The following AP2B1 variants were observed in gnomAD, a reference collection of about 807,000 sequenced individuals.
AP2B1 encodes adaptor related protein complex 2 subunit beta 1.
A neutral mutation model predicts 102.0 loss-of-function variants in AP2B1; 23 were observed. The observed-to-expected ratio is 0.23, with a 90% CI of 0.16 to 0.32. AP2B1 has a LOEUF of 0.32. Among genes scored for constraint, AP2B1 ranks in the 10% least tolerant of loss-of-function variants. The probability of loss-of-function intolerance (pLI) is 1.00; values close to 1 mark genes in which losing one functional copy is unlikely to be tolerated. For missense variants in AP2B1, 541 were observed against 1,157.4 expected (o/e 0.47, Z 7.73); for synonymous variants, 381 against 421.2 (o/e 0.90, Z 1.17).
At chr17:35,601,492 T>C (rs1331070810) in intron 3 of AP2B1, among the ~76,000 whole-genome samples, 2 of 152,204 alleles carry the variant, frequency 1.3e-5, no homozygotes, top group Non-Finnish European at 2.9e-5. Flanking sequence ...CCATCACTCC[T>C]GGCTGACGCC....
intron 2 of AP2B1, among the ~76,000 whole-genome samples, chr17:35,594,764 C>A (rs1231224631): frequency 1.3e-5 from 2 of 152,184 alleles, no homozygotes; most frequent in Non-Finnish European, 2.9e-5. Context: ...TTATTACTCT[C>A]ATCATCTTTG....
Position 35,725,182 on chromosome 17 carries a change from A to T in AP2B1, c.*1483A>T, listed in dbSNP as rs1444459378. The T allele has an allele frequency of 6.6e-6, 1 of 152,212 alleles. No homozygotes were observed. The highest frequency in any genetic ancestry group is 1.9e-4 in the East Asian group (1 of 5,192). 9.4% of individuals were successfully genotyped at this position (152,212 alleles called of 1,614,324 possible). A position where few individuals can be genotyped will look rare whatever the true frequency, so the allele number is the denominator to read the frequency against. On this transcript the variant is annotated 3_prime_UTR_variant, in exon 22 of 22. Transcript: ENST00000610402. ...CCCTACCCCACTTAATGCGTTGGAT[A>T]TGATTTTTCAAAGAATGCTTCATGC...
intron 18 of AP2B1, among the ~76,000 whole-genome samples, chr17:35,688,138 T>G (rs587723270): frequency 1.3e-5 from 2 of 152,338 alleles, no homozygotes; most frequent in South Asian, 4.1e-4. Flanking sequence ...ATTCCCTTCA[T>G]CAGCTCTCTC....
chr17:35,618,249 T>C (rs1356787273), intron 5 of AP2B1, among the ~76,000 whole-genome samples: 1 of 152,230 alleles, frequency 6.6e-6, no homozygotes, highest in Non-Finnish European at 1.5e-5. Flanking sequence ...TATGTTGTCC[T>C]ATGCCTCACA....
rs200535619 is a variant in AP2B1 at position 35,650,664 on chromosome 17, A to G, written c.1671A>G (p.Pro557=). 1.4e-4 allele frequency: 222 copies of G among 1,614,060 alleles called. No individual in the cohort carries two copies. The highest frequency in any genetic ancestry group is 1.8e-4 in the Non-Finnish European group (218 of 1,180,042). The part of the protein sequence containing the change: ...LISEETDLIE[P]TLLDELICHI... The stretch of plus-strand genomic sequence containing the variant: ...CTGAGGAGACGGACCTTATTGAGCC[A>G]ACTCTGCTGGATGAGCTAATCTGCC... The change falls in exon 13 of 22, where the codon CCA becomes CCG. Residue 557 remains proline, a synonymous_variant. Coordinates refer to ENST00000610402, the MANE Select transcript of AP2B1 (RefSeq NM_001030006.2).
chr17:35,607,256 T>A (rs2073711876), intron 4 of AP2B1, among the ~76,000 whole-genome samples: 1 of 152,000 alleles, frequency 6.6e-6, no homozygotes, highest in Admixed American at 6.6e-5. Context: ...AGTGTACATT[T>A]AAAAAAAACA....
intron 5 of AP2B1, among the ~76,000 whole-genome samples, chr17:35,620,776 C>T (rs536206352): frequency 1.3e-5 from 2 of 152,132 alleles, no homozygotes; most frequent in African/African-American, 2.4e-5. Flanking sequence ...GTGATCAGTG[C>T]GACTGCATTC....
chr17:35,719,037 G>T (rs2085274337), intron 21 of AP2B1, among the ~76,000 whole-genome samples: 1 of 151,962 alleles, frequency 6.6e-6, no homozygotes, highest in Admixed American at 6.6e-5. Flanking sequence ...AACATAGTTT[G>T]TTAAAATTTT....
chr17:35,636,312 C>G, intron 9 of AP2B1, 29 bp from the exon 10 acceptor site: 2 of 1,536,802 alleles, frequency 1.3e-6, no homozygotes, highest in Non-Finnish European at 1.8e-6. Context: ...GATCATCTGA[C>G]TTCTCATTTT....
At position 35,717,345 on chromosome 17, in the gene AP2B1, A is replaced by G; in HGVS notation, c.2777A>G (p.Tyr926Cys). The change falls in exon 21 of 22, where the codon TAC becomes TGC. Residue 926 changes from tyrosine (Y) to cysteine (C), a missense_variant. Transcript: ENST00000610402. ...ELRIQPGNPN[Y>C]TLSLKCRAPE... is the part of the protein sequence containing the mutation. ...CGTATCCAGCCAGGAAACCCCAATTACACGGTAAGGCCTTTCTCAGAATGG... is the reference window on the plus strand; with the variant it reads ...CGTATCCAGCCAGGAAACCCCAATTGCACGGTAAGGCCTTTCTCAGAATGG... 4 of 1,614,134 alleles carry G rather than the reference A, an allele frequency of 2.5e-6. No homozygotes were observed. The highest frequency in any genetic ancestry group is 3.4e-6 in the Non-Finnish European group (4 of 1,179,982).
chr17:35,607,171 C>T (rs1366051741), intron 4 of AP2B1, among the ~76,000 whole-genome samples: 1 of 152,148 alleles, frequency 6.6e-6, no homozygotes, highest in East Asian at 1.9e-4. Context: ...TCTCAAAGTG[C>T]TGGGATTACA....
chr17:35,592,457 A>T lies in AP2B1; in HGVS notation c.-23-1551A>T, dbSNP rs369137423. Among the ~76,000 whole-genome samples the T allele has an allele frequency of 1.5e-4, 23 of 152,248 alleles. No homozygotes were observed. The East Asian group carries it at 4.2e-3, about 28-fold the overall frequency. On this transcript the variant is annotated intron_variant, in intron 1 of 21. Coordinates refer to ENST00000610402, the MANE Select transcript of AP2B1 (RefSeq NM_001030006.2). ...AGCCTTGATCTCCTAAGCTCAAGCG[A>T]TCCACACACCTCAGCCTCCCAAGTA...
chr17:35,707,536 T>C (rs1455222398), intron 18 of AP2B1, among the ~76,000 whole-genome samples: 1 of 146,198 alleles, frequency 6.8e-6, no homozygotes, highest in African/African-American at 2.6e-5. Context: ...CACTGCAGCC[T>C]CCACCTCCCA....
intron 4 of AP2B1, among the ~76,000 whole-genome samples, chr17:35,606,105 C>A (rs1037247281): frequency 6.6e-6 from 1 of 152,116 alleles, no homozygotes; most frequent in African/African-American, 2.4e-5. Flanking sequence ...CAAAGGTGGG[C>A]ATATCATTGT....
intron 17 of AP2B1, 95 bp downstream of exon 17, chr17:35,674,416 A>T (rs1289646317): frequency 1.7e-5 from 25 of 1,449,190 alleles, no homozygotes; most frequent in Non-Finnish European, 2.2e-5. Flanking sequence ...AAAAACTCAC[A>T]TATTGGGCCA....
At chr17:35,670,998 A>G (rs2075576003) in intron 15 of AP2B1, 100 bp downstream of exon 15, 1 of 1,239,300 alleles carries the variant, frequency 8.1e-7, no homozygotes, top group African/African-American at 1.5e-5. Flanking sequence ...GCTGTCTAGC[A>G]CTGCACACCA....
intron 9 of AP2B1, among the ~76,000 whole-genome samples, chr17:35,628,752 A>T (rs1487150647): frequency 1.3e-5 from 2 of 152,218 alleles, no homozygotes; most frequent in Non-Finnish European, 2.9e-5. Context: ...CCTGTTTTCC[A>T]GTGTAGTTAC....
At chr17:35,589,804 CT>C (rs572773605) in intron 1 of AP2B1, among the ~76,000 whole-genome samples, 5 of 152,038 alleles carry the variant, frequency 3.3e-5, no homozygotes, top group Non-Finnish European at 7.4e-5. Flanking sequence ...GCTTATTTCT[CT>C]GGCTCTTCTG....
intron 14 of AP2B1, among the ~76,000 whole-genome samples, chr17:35,661,670 G>A (rs372476099): frequency 1.3e-5 from 2 of 152,266 alleles, no homozygotes; most frequent in East Asian, 1.9e-4. Flanking sequence ...ATTGGAGACC[G>A]AAAATTGAGG....
Sources: allele counts gnomAD v4.1 joint callset (sites outside exome capture counted in the v4.1 genomes callset), GRCh38; gene constraint gnomAD v4.1.1; transcripts MANE v1.5; gene names NCBI Gene and HGNC (gene_info 2026-07-23, HGNC 2026-07-21).